LDLRAD4: variants seen among roughly 807,000 people sequenced by gnomAD.
The protein encoded by LDLRAD4 is low-density lipoprotein receptor class A domain-containing protein 4.
A neutral mutation model predicts 17.0 loss-of-function variants in LDLRAD4; 5 were observed. The observed-to-expected ratio is 0.29, with a 90% CI of 0.15 to 0.62. The LOEUF (loss-of-function observed/expected upper bound fraction) is 0.62, where lower values mean the gene tolerates loss of function less well. Ranked by LOEUF, LDLRAD4 falls within the 20% of genes least tolerant of loss-of-function variation. The probability of loss-of-function intolerance (pLI) is 0.84; values close to 1 mark genes in which losing one functional copy is unlikely to be tolerated. For synonymous variants in LDLRAD4, 168 were observed against 171.8 expected, an observed-to-expected ratio of 0.98 and a Z score of 0.17; for missense variants, 340 against 424.7, an observed-to-expected ratio of 0.80 and a Z score of 1.75.
At chr18:13,461,654 G>C (rs1247309983) in intron 3 of LDLRAD4, among the ~76,000 whole-genome samples, 1 of 152,156 alleles carries the variant, frequency 6.6e-6, no homozygotes. Flanking sequence ...TGGTTACTTG[G>C]TGTACACCCT....
intron 3 of LDLRAD4, among the ~76,000 whole-genome samples, chr18:13,505,819 A>AAAAAAC (rs777739267): frequency 6.6e-6 from 1 of 150,666 alleles, no homozygotes; most frequent in Non-Finnish European, 1.5e-5. Flanking sequence ...CTCTGTCTCA[A>AAAAAAC]AAAAACAAAA....
chr18:13,323,399 A>T (rs560981478), intron 1 of LDLRAD4, among the ~76,000 whole-genome samples: 1 of 152,348 alleles, frequency 6.6e-6, no homozygotes, highest in South Asian at 2.1e-4. Flanking sequence ...ACTGGTAATT[A>T]GGAGAGGGCT....
chr18:13,529,868 C>G lies in LDLRAD4; in HGVS notation c.182-91249C>G, dbSNP rs77724307. ...TTTAGAGACTTCCATGGCACCATCCCACCGAGGTGGAAGAGGTTCCGTTTT... is the reference window on the plus strand; with the variant it reads ...TTTAGAGACTTCCATGGCACCATCCGACCGAGGTGGAAGAGGTTCCGTTTT... On this transcript the variant is annotated intron_variant, in intron 3 of 5. Transcript: ENST00000359446. 1.3e-3 allele frequency among the ~76,000 whole-genome samples: 199 copies of G among 152,294 alleles called. 5 individuals are homozygous for G. In the East Asian group the frequency reaches 0.031, roughly 24 times the overall value.
At chr18:13,584,128 CG>C (rs2094903944) in intron 3 of LDLRAD4, among the ~76,000 whole-genome samples, 1 of 152,192 alleles carries the variant, frequency 6.6e-6, no homozygotes, top group Admixed American at 6.5e-5. Context: ...AGCCTGTGAC[CG>C]GCGTCTGCCT....
At chr18:13,345,753 A>G (rs552870416) in intron 1 of LDLRAD4, among the ~76,000 whole-genome samples, 21 of 152,262 alleles carry the variant, frequency 1.4e-4, no homozygotes, top group African/African-American at 4.8e-4. Context: ...CCTCAATTTC[A>G]GAGCCTGTTA....
intron 1 of LDLRAD4, among the ~76,000 whole-genome samples, chr18:13,289,455 A>G (rs568326008): frequency 6.6e-6 from 1 of 152,318 alleles, no homozygotes; most frequent in South Asian, 2.1e-4. Context: ...ATTTAGTACT[A>G]TATGGCCAGT....
At chr18:13,456,279 C>T (rs1386126629) in intron 3 of LDLRAD4, among the ~76,000 whole-genome samples, 1 of 152,190 alleles carries the variant, frequency 6.6e-6, no homozygotes, top group Admixed American at 6.5e-5. Flanking sequence ...CATGGTCCCC[C>T]CGCCGTCTGC....
intron 3 of LDLRAD4, among the ~76,000 whole-genome samples, chr18:13,535,566 T>G (rs1484294294): frequency 6.6e-6 from 1 of 152,240 alleles, no homozygotes; most frequent in African/African-American, 2.4e-5. Context: ...AACTTTTTGT[T>G]AGATATATAT....
chr18:13,567,417 C>A (rs1285663215), intron 3 of LDLRAD4, among the ~76,000 whole-genome samples: 8 of 152,192 alleles, frequency 5.3e-5, no homozygotes. Context: ...AGGCCTGCTG[C>A]CGTAGGGCCT....
intron 3 of LDLRAD4, among the ~76,000 whole-genome samples, chr18:13,589,580 G>A (rs560764289): frequency 6.6e-6 from 1 of 152,304 alleles, no homozygotes; most frequent in Non-Finnish European, 1.5e-5. Context: ...GTCAGCCCTG[G>A]ATGAGACCTG....
At chr18:13,323,312 G>T (rs1024865001) in intron 1 of LDLRAD4, among the ~76,000 whole-genome samples, 2 of 152,262 alleles carry the variant, frequency 1.3e-5, no homozygotes, top group Non-Finnish European at 2.9e-5. Flanking sequence ...AGCATGTCAC[G>T]CATTTGCTTT....
At chr18:13,433,346 CA>C (rs2090460715) in intron 2 of LDLRAD4, among the ~76,000 whole-genome samples, 1 of 152,178 alleles carries the variant, frequency 6.6e-6, no homozygotes, top group Non-Finnish European at 1.5e-5. Context: ...CTAAATGAGT[CA>C]GTGTTGCTAT....
At chr18:13,237,453 A>G (rs754776616) in intron 1 of LDLRAD4, among the ~76,000 whole-genome samples, 3 of 152,188 alleles carry the variant, frequency 2.0e-5, no homozygotes, top group Non-Finnish European at 2.9e-5. Context: ...GGGCTTGTGG[A>G]CAGTGACTGC....
intron 2 of LDLRAD4, among the ~76,000 whole-genome samples, chr18:13,435,019 GT>G (rs1165376704): frequency 6.6e-6 from 1 of 152,244 alleles, no homozygotes; most frequent in Admixed American, 6.5e-5. Context: ...AGACGTCCAG[GT>G]GATCCCAATA....
At chr18:13,344,008 A>G (rs1181006101) in intron 1 of LDLRAD4, among the ~76,000 whole-genome samples, 3 of 152,180 alleles carry the variant, frequency 2.0e-5, no homozygotes, top group Non-Finnish European at 2.9e-5. Flanking sequence ...GTAGATTGCA[A>G]AAATATTCTC....
At chr18:13,643,110 A>G (rs1179171685) in intron 4 of LDLRAD4, among the ~76,000 whole-genome samples, 1 of 151,442 alleles carries the variant, frequency 6.6e-6, no homozygotes, top group Admixed American at 6.6e-5. Flanking sequence ...TAATGTTTGT[A>G]TTTTTAGTAG....
In LDLRAD4 at chr18:13,333,744, A is replaced by C. The variant is rs1175455766; in HGVS notation, c.-382-53597A>C. 2.0e-5 allele frequency among the ~76,000 whole-genome samples: 3 copies of C among 152,136 alleles called. No individual in the cohort carries two copies. The South Asian group carries it at 6.2e-4, about 32-fold the overall frequency. ...ATATCAGTCTCTTTCTGGAATTTCT[A>C]TTATGTTCTCTTGTTCTATTTGTCT... On this transcript the variant is annotated intron_variant, in intron 1 of 5. Coordinates refer to ENST00000359446, the Ensembl canonical transcript of LDLRAD4.
At chr18:13,500,235 G>C (rs1014069571) in intron 3 of LDLRAD4, among the ~76,000 whole-genome samples, 8 of 149,340 alleles carry the variant, frequency 5.4e-5, no homozygotes, top group African/African-American at 1.9e-4. Flanking sequence ...GCCTGGCCCT[G>C]ACGGCCCGGG....
chr18:13,310,952 A>C (rs1171428052), intron 1 of LDLRAD4, among the ~76,000 whole-genome samples: 1 of 152,216 alleles, frequency 6.6e-6, no homozygotes, highest in Non-Finnish European at 1.5e-5. Flanking sequence ...TACATCCGCT[A>C]GCATTTCTGT....
Sources: gnomAD v4.1 joint callset for allele counts (sites outside exome capture counted in the v4.1 genomes callset) on GRCh38, gnomAD v4.1.1 for gene constraint, MANE v1.5 for transcripts, NCBI Gene and HGNC (gene_info 2026-07-23, HGNC 2026-07-21) for gene names.